PTPRD: variants seen among roughly 807,000 people sequenced by gnomAD.
The protein encoded by PTPRD is protein tyrosine phosphatase receptor type D.
In PTPRD, 34 loss-of-function variants were observed where a neutral mutation model predicts 214.5. The ratio of observed to expected loss-of-function variants is 0.16; its 90% confidence interval spans 0.12 to 0.21. The LOEUF is 0.21. Among genes scored for constraint, PTPRD ranks in the 10% least tolerant of loss-of-function variants. The pLI is 1.00. For synonymous variants in PTPRD, 1,128 were observed against 845.7 expected (o/e 1.33, Z -5.79); for missense variants, 2,545 against 2,398.7 (o/e 1.06, Z -1.27).
Position 9,449,303 on chromosome 9 carries a change from T to C in PTPRD, c.-236-51821A>G, listed in dbSNP as rs558030437. On this transcript the variant is annotated intron_variant, in intron 8 of 45. Coordinates refer to ENST00000381196, the MANE Select transcript of PTPRD (RefSeq NM_002839.4). ...CAGCAATTCAATCTTTTTTTATTAA[T>C]GTAAGATTATCTCAAACATTATTAA... Among the ~76,000 whole-genome samples the C allele has an allele frequency of 2.2e-4, 33 of 152,260 alleles. 1 individual carries two copies. The highest frequency in any genetic ancestry group is 2.1e-3 in the South Asian group (10 of 4,830).
chr9:8,436,657 C>T lies in PTPRD; in HGVS notation c.4021G>A (p.Glu1341Lys), dbSNP rs1456256399. 1.2e-6 allele frequency: 2 copies of T among 1,613,280 alleles called. No homozygotes were observed. Among genetic ancestry groups the T allele is most frequent in the Non-Finnish European group, 1.7e-6 (2 of 1,179,682 alleles). ...MASHPPIPIL[E>K]LADHIERLKA... ...AATCTTTCAATGTGGTCTGCAAGTT[C>T]CAAGATGGGTATTGGAGGATGGCTA... Residue 1341 changes from glutamate (E) to lysine (K), a missense_variant, in exon 35 of 46, where the codon GAA becomes AAA. Coordinates refer to ENST00000381196, the MANE Select transcript of PTPRD (RefSeq NM_002839.4).
intron 35 of PTPRD, among the ~76,000 whole-genome samples, chr9:8,409,893 C>A (rs901175408): frequency 9.2e-5 from 14 of 152,174 alleles, no homozygotes; most frequent in African/African-American, 3.4e-4. Context: ...ACTAACCATT[C>A]TTTTTACAGG....
At chr9:9,173,786 CT>C (rs972447429) in intron 10 of PTPRD, among the ~76,000 whole-genome samples, 3 of 152,142 alleles carry the variant, frequency 2.0e-5, no homozygotes, top group African/African-American at 7.2e-5. Context: ...AATCTCACCT[CT>C]GCTCGTCACT....
rs571766981 is a variant in PTPRD, at chr9:10,042,306, C to T, written c.-544-8516G>A. On this transcript the variant is annotated intron_variant, in intron 3 of 45. Coordinates refer to ENST00000381196, the MANE Select transcript of PTPRD (RefSeq NM_002839.4). Reference sequence around the variant, plus strand: ...TGAGGAATCAGCAAAAAGAGGCATGCGGAGATAGAAGACTCAGAGATGAAT... The same window carrying T: ...TGAGGAATCAGCAAAAAGAGGCATGTGGAGATAGAAGACTCAGAGATGAAT... 7.2e-5 allele frequency among the ~76,000 whole-genome samples: 11 copies of T among 151,926 alleles called. 1 individual carries two copies. The South Asian group carries it at 1.7e-3, about 23-fold the overall frequency.
chr9:8,800,768 G>A (rs549793470), intron 11 of PTPRD, among the ~76,000 whole-genome samples: 4 of 152,176 alleles, frequency 2.6e-5, no homozygotes, highest in African/African-American at 4.8e-5. Context: ...CTATGGACTC[G>A]CGCTGAATTC....
At chr9:9,853,464 A>G (rs1418881325) in intron 5 of PTPRD, among the ~76,000 whole-genome samples, 1 of 152,188 alleles carries the variant, frequency 6.6e-6, no homozygotes, top group Non-Finnish European at 1.5e-5. Context: ...GCTAATGCCT[A>G]GCTCTACAGT....
At chr9:8,362,360 T>C (rs1255590424) in intron 39 of PTPRD, among the ~76,000 whole-genome samples, 1 of 152,178 alleles carries the variant, frequency 6.6e-6, no homozygotes. Flanking sequence ...TTTCAGACTA[T>C]AGTACCTCAG....
At chr9:10,200,933 T>C (rs2099417455) in intron 3 of PTPRD, among the ~76,000 whole-genome samples, 3 of 152,088 alleles carry the variant, frequency 2.0e-5, no homozygotes, top group African/African-American at 7.2e-5. Flanking sequence ...AGTTTGCATT[T>C]ATTAATCATG....
At chr9:9,256,806 C>T (rs1223817817) in intron 9 of PTPRD, among the ~76,000 whole-genome samples, 1 of 151,942 alleles carries the variant, frequency 6.6e-6, no homozygotes, top group Non-Finnish European at 1.5e-5. Context: ...CTCTGTCTAC[C>T]TGAGACCCCA....
chr9:8,354,133 T>C (rs544244442), intron 39 of PTPRD, among the ~76,000 whole-genome samples: 20 of 151,688 alleles, frequency 1.3e-4, no homozygotes, highest in Non-Finnish European at 2.9e-5. Flanking sequence ...TATTTATATT[T>C]ATCCAAAACT....
intron 21 of PTPRD, among the ~76,000 whole-genome samples, 184 bp downstream of exon 21, chr9:8,517,664 A>T (rs1280831980): frequency 1.3e-5 from 2 of 152,210 alleles, no homozygotes; most frequent in East Asian, 3.9e-4. Flanking sequence ...TTCTGCTCAA[A>T]ATGATTAGTT....
chr9:9,128,133 C>T (rs1351370188), intron 10 of PTPRD, among the ~76,000 whole-genome samples: 1 of 152,138 alleles, frequency 6.6e-6, no homozygotes, highest in Non-Finnish European at 1.5e-5. Flanking sequence ...ACATGAACAA[C>T]ATAGATGCTG....
At chr9:9,563,227 G>A (rs975843773) in intron 8 of PTPRD, among the ~76,000 whole-genome samples, 1 of 152,190 alleles carries the variant, frequency 6.6e-6, no homozygotes, top group South Asian at 2.1e-4. Flanking sequence ...AGTCTATCCC[G>A]ATAAGTTTGA....
chr9:9,440,265 C>T (rs996778154), intron 8 of PTPRD, among the ~76,000 whole-genome samples: 18 of 152,238 alleles, frequency 1.2e-4, no homozygotes, highest in East Asian at 5.8e-4. Flanking sequence ...AATTTGTGTA[C>T]GCACAAGAAA....
At chr9:8,687,488 C>T (rs1220171742) in intron 12 of PTPRD, among the ~76,000 whole-genome samples, 2 of 152,146 alleles carry the variant, frequency 1.3e-5, no homozygotes, top group South Asian at 4.1e-4. Context: ...GTCTGTGAGG[C>T]TTCTTGCACT....
At chr9:8,948,564 T>A (rs868326730) in intron 11 of PTPRD, among the ~76,000 whole-genome samples, 3 of 100,202 alleles carry the variant, frequency 3.0e-5, no homozygotes, top group African/African-American at 1.2e-4. Context: ...TATATATATT[T>A]ATATATATAT....
chr9:9,088,599 A>T (rs1424503860), intron 10 of PTPRD, among the ~76,000 whole-genome samples: 2 of 149,458 alleles, frequency 1.3e-5, no homozygotes, highest in East Asian at 2.0e-4. Flanking sequence ...AAAAAAAAAA[A>T]AAAAAAAAAA....
At chr9:8,964,195 T>TTTTTTG (rs2099175494) in intron 11 of PTPRD, among the ~76,000 whole-genome samples, 1 of 139,802 alleles carries the variant, frequency 7.2e-6, no homozygotes, top group Non-Finnish European at 1.5e-5. Context: ...GGGCTGTGTT[T>TTTTTTG]TTTTTTTTTT....
intron 2 of PTPRD, among the ~76,000 whole-genome samples, chr9:10,455,217 C>A (rs763871465): frequency 2.0e-5 from 3 of 151,646 alleles, no homozygotes; most frequent in Non-Finnish European, 4.4e-5. Context: ...CTGACGAGAG[C>A]TTTCCAATTG....
Sources: gnomAD v4.1 joint callset for allele counts (sites outside exome capture counted in the v4.1 genomes callset) on GRCh38, gnomAD v4.1.1 for gene constraint, MANE v1.5 for transcripts, NCBI Gene and HGNC (gene_info 2026-07-23, HGNC 2026-07-21) for gene names.